Variants in DPP10 observed in about 807,000 individuals in gnomAD.
DPP10 encodes the protein dipeptidyl peptidase like 10, also known as inactive dipeptidyl peptidase 10.
A neutral mutation model predicts 120.9 loss-of-function variants in DPP10; 33 were observed. The observed-to-expected ratio is 0.27, with a 90% CI of 0.21 to 0.37. DPP10 has a LOEUF of 0.37. Ranked by LOEUF, DPP10 falls within the 10% of genes least tolerant of loss-of-function variation. The pLI is 1.00. For missense variants in DPP10, 816 were observed against 942.8 expected, an observed-to-expected ratio of 0.87 and a Z score of 1.76; for synonymous variants, 337 against 326.1, an observed-to-expected ratio of 1.03 and a Z score of -0.36.
intron 3 of DPP10, among the ~76,000 whole-genome samples, chr2:115,494,306 A>C (rs2076281268): frequency 6.6e-6 from 1 of 152,132 alleles, no homozygotes; most frequent in Admixed American, 6.6e-5. Context: ...CTTAGAGCGC[A>C]TTGACTTGTT....
At chr2:115,260,574 T>G (rs2059208468) in intron 1 of DPP10, among the ~76,000 whole-genome samples, 1 of 152,216 alleles carries the variant, frequency 6.6e-6, no homozygotes, top group Non-Finnish European at 1.5e-5. Flanking sequence ...GAAGTACTGT[T>G]GTTTCCTTGA....
At chr2:115,002,250 C>G (rs1205866712) in intron 1 of DPP10, among the ~76,000 whole-genome samples, 2 of 151,974 alleles carry the variant, frequency 1.3e-5, no homozygotes, top group African/African-American at 4.8e-5. Flanking sequence ...TTAGAAAAAG[C>G]TGACAAAAAT....
At chr2:114,513,148 T>C (rs1684289150) in intron 1 of DPP10, among the ~76,000 whole-genome samples, 1 of 152,142 alleles carries the variant, frequency 6.6e-6, no homozygotes, top group Non-Finnish European at 1.5e-5. Flanking sequence ...GAAACAATCT[T>C]CATTACTTTT....
rs771772923 is a variant in DPP10, at chr2:115,780,924, T to C, written c.1412T>C (p.Met471Thr). The change falls in exon 16 of 26, where the codon ATG becomes ACG. Residue 471 changes from methionine (M) to threonine (T), a missense_variant. Around this residue, in one of 3 missense-constraint regions of DPP10, gnomAD observed 592 missense variants for 649.0 expected, o/e 0.91. Transcript: ENST00000410059. The stretch of plus-strand genomic sequence containing the variant: ...CGCCAATGCATTTCATGTAATTTCA[T>C]GAAAGAACAATGTACATATTTTGAT... The part of the protein sequence containing the change: ...LNRQCISCNF[M>T]KEQCTYFDAS... 1.1e-5 allele frequency: 17 copies of C among 1,604,940 alleles called. 1 individual carries two copies. The South Asian group carries it at 1.8e-4, about 17-fold the overall frequency.
chr2:114,562,599 A>C (rs1398412445), intron 1 of DPP10, among the ~76,000 whole-genome samples: 1 of 152,218 alleles, frequency 6.6e-6, no homozygotes, highest in East Asian at 1.9e-4. Context: ...TACAGCCTGT[A>C]AAGTACACTG....
At chr2:115,261,677 G>A (rs779172167) in intron 1 of DPP10, among the ~76,000 whole-genome samples, 1 of 152,186 alleles carries the variant, frequency 6.6e-6, no homozygotes, top group Non-Finnish European at 1.5e-5. Context: ...AAGGTATGTT[G>A]TTCTCTTGTA....
At chr2:114,479,560 G>A (rs969755937) in intron 1 of DPP10, among the ~76,000 whole-genome samples, 33 of 152,030 alleles carry the variant, frequency 2.2e-4, no homozygotes, top group South Asian at 8.3e-4. Flanking sequence ...AAATAATGCC[G>A]CATATCTACA....
At chr2:115,367,565 T>G (rs1386425489) in intron 3 of DPP10, among the ~76,000 whole-genome samples, 1 of 152,046 alleles carries the variant, frequency 6.6e-6, no homozygotes, top group Non-Finnish European at 1.5e-5. Flanking sequence ...TCTACTTTCT[T>G]TATACTTTTC....
At chr2:114,502,998 C>T (rs918789785) in intron 1 of DPP10, among the ~76,000 whole-genome samples, 4 of 152,140 alleles carry the variant, frequency 2.6e-5, no homozygotes, top group Middle Eastern at 3.4e-3. Flanking sequence ...TGCAAGTGTG[C>T]GTGTGCATAT....
At chr2:115,507,298 C>T (rs559835363) in intron 4 of DPP10, among the ~76,000 whole-genome samples, 2 of 152,080 alleles carry the variant, frequency 1.3e-5, no homozygotes, top group Admixed American at 6.6e-5. Flanking sequence ...GTTTGGATCC[C>T]TGTTGTGTGT....
At chr2:115,166,585 A>G (rs1052021020) in intron 1 of DPP10, among the ~76,000 whole-genome samples, 4 of 116,954 alleles carry the variant, frequency 3.4e-5, no homozygotes, top group Non-Finnish European at 5.6e-5. Context: ...TAAATATTAT[A>G]TATAAGGCAT....
chr2:115,378,103 G>T (rs892530076), intron 3 of DPP10, among the ~76,000 whole-genome samples: 5 of 152,146 alleles, frequency 3.3e-5, no homozygotes, highest in Non-Finnish European at 7.3e-5. Flanking sequence ...GTAATTGGTA[G>T]CTTGATGGGG....
chr2:114,845,405 TAA>T (rs1018334545), intron 1 of DPP10, among the ~76,000 whole-genome samples: 2 of 152,116 alleles, frequency 1.3e-5, no homozygotes, highest in Admixed American at 1.3e-4. Flanking sequence ...CTCTAAAAAA[TAA>T]AGTTAGTTTA....
intron 3 of DPP10, among the ~76,000 whole-genome samples, chr2:115,424,888 T>C (rs2070316302): frequency 6.6e-6 from 1 of 152,218 alleles, no homozygotes; most frequent in Non-Finnish European, 1.5e-5. Context: ...TGATTAATCG[T>C]CTGTAGAAAG....
intron 1 of DPP10, among the ~76,000 whole-genome samples, chr2:115,244,064 T>C (rs2058409323): frequency 6.6e-6 from 1 of 151,368 alleles, no homozygotes; most frequent in South Asian, 2.1e-4. Flanking sequence ...AGTAATACCT[T>C]AAAATAAGAA....
At chr2:115,028,298 C>T (rs1703610183) in intron 1 of DPP10, among the ~76,000 whole-genome samples, 1 of 151,976 alleles carries the variant, frequency 6.6e-6, no homozygotes, top group African/African-American at 2.4e-5. Flanking sequence ...TCTCCATTTC[C>T]ATGTGGTTCA....
intron 9 of DPP10, among the ~76,000 whole-genome samples, chr2:115,745,523 A>AATT (rs1677844536): frequency 6.6e-6 from 1 of 150,516 alleles, no homozygotes; most frequent in Non-Finnish European, 1.5e-5. Context: ...CAATTATGCA[A>AATT]ATGAGTCACC....
chr2:114,565,514 G>A (rs1486938421), intron 1 of DPP10, among the ~76,000 whole-genome samples: 4 of 152,284 alleles, frequency 2.6e-5, no homozygotes, highest in South Asian at 2.1e-4. Context: ...CGGCCATTAG[G>A]AAGCCAACAA....
At chr2:115,662,327 A>G (rs1480892778) in intron 5 of DPP10, among the ~76,000 whole-genome samples, 1 of 152,160 alleles carries the variant, frequency 6.6e-6, no homozygotes, top group Non-Finnish European at 1.5e-5. Flanking sequence ...AAATGAACAC[A>G]GTTGTGCATA....
Sources: gnomAD v4.1 joint callset for allele counts (sites outside exome capture counted in the v4.1 genomes callset) on GRCh38, gnomAD v4.1.1 for gene constraint, gnomAD v4.1.1 regional missense constraint, MANE v1.5 for transcripts, NCBI Gene and HGNC (gene_info 2026-07-23, HGNC 2026-07-21) for gene names.